Variants in ARL1 observed in about 807,000 individuals in gnomAD.
ARL1 encodes ARF like GTPase 1.
Under a neutral mutation model 30.1 loss-of-function variants are expected in ARL1, and 17 were observed. The observed-to-expected ratio is 0.56, with a 90% CI of 0.39 to 0.85. The LOEUF (loss-of-function observed/expected upper bound fraction) is 0.85, where lower values mean the gene tolerates loss of function less well. Ranked by LOEUF, ARL1 falls within the 40% of genes least tolerant of loss-of-function variation. ARL1 has a pLI of 0.00. For synonymous variants in ARL1, 58 were observed against 71.7 expected (o/e 0.81, Z 0.97); for missense variants, 102 against 212.6 (o/e 0.48, Z 3.24).
At position 101,403,064 on chromosome 12, in the gene ARL1, T is replaced by G. The variant is rs3765074; in HGVS notation, c.143-118A>C. 4 of 511,508 alleles carry G rather than the reference T, an allele frequency of 7.8e-6. No homozygotes were observed. The African/African-American group carries it at 7.9e-5, about 10-fold the overall frequency. The allele number at this position is 511,508 out of a possible 1,614,324, so 31.7% of individuals were successfully genotyped here. ...CTGTTATTAGAGTTTAAAATATATA[T>G]ATATATAATTTGTCTTAGGATTCGA... On this transcript the variant is annotated intron_variant, in intron 2 of 5. Transcript: ENST00000261636.
chr12:101,396,714 A>G (rs1353739159), intron 4 of ARL1, 137 bp from the exon 5 acceptor site: 2 of 648,476 alleles, frequency 3.1e-6, no homozygotes, highest in African/African-American at 1.9e-5. Flanking sequence ...GAAATTATAT[A>G]GAGAAGTATA....
intron 3 of ARL1, 59 bp downstream of exon 3, chr12:101,402,806 C>T: frequency 8.1e-7 from 1 of 1,228,982 alleles, no homozygotes; most frequent in Non-Finnish European, 1.2e-6. Flanking sequence ...CTGATTTTAA[C>T]CCTTAAAAGA....
At chr12:101,396,689 T>G (rs1292314267) in intron 4 of ARL1, 112 bp from the exon 5 acceptor site, 1 of 747,188 alleles carries the variant, frequency 1.3e-6, no homozygotes, top group Non-Finnish European at 2.0e-6. Flanking sequence ...ATATTACACA[T>G]TATGAAATTA....
intron 2 of ARL1, chr12:101,403,680 C>G (rs549052090): frequency 6.5e-6 from 1 of 154,612 alleles, no homozygotes; most frequent in East Asian, 1.9e-4. Flanking sequence ...ACTTCCATGG[C>G]TGGGTGCGGT....
Position 101,400,915 on chromosome 12 carries a change from G to A in ARL1, c.336+147C>T, listed in dbSNP as rs562075117. 7 of 629,142 alleles carry A rather than the reference G, an allele frequency of 1.1e-5. No homozygotes were observed. The East Asian group carries it at 1.7e-4, about 15-fold the overall frequency. 39.0% of individuals were successfully genotyped at this position (629,142 alleles called of 1,614,324 possible). On this transcript the variant is annotated intron_variant, in intron 4 of 5. Coordinates refer to ENST00000261636, the MANE Select transcript of ARL1 (RefSeq NM_001177.6). ...GTTTTGTCTCCAACCCTCCTCAACT[G>A]TATTTTTGGAATAGAAAATCATTTC...
Position 101,395,275 on chromosome 12 carries a change from TA to T in ARL1, c.*364del, listed in dbSNP as rs1291544687. The T allele has an allele frequency of 4.5e-5, 8 of 176,464 alleles. No individual in the cohort carries two copies. Among genetic ancestry groups the T allele is most frequent in the African/African-American group, 7.0e-5 (3 of 42,628 alleles). The allele number at this position is 176,464 out of a possible 1,614,324, so 10.9% of individuals were successfully genotyped here. On this transcript the variant is annotated 3_prime_UTR_variant, in exon 6 of 6. Transcript: ENST00000261636. ...TTAAGGGGAAAAAAATCTGTTAAGA[TA>T]TTTTTTAGTATTTATACAAACAAGC...
At chr12:101,406,519 C>T (rs369889887) in intron 1 of ARL1, among the ~76,000 whole-genome samples, 107 of 152,310 alleles carry the variant, frequency 7.0e-4, no homozygotes, top group African/African-American at 2.4e-3. Flanking sequence ...AAAGCTCTAT[C>T]CAATGCATCA....
At chr12:101,407,796 C>T (rs980521086), upstream of ARL1, 10 of 1,118,702 alleles carry the variant, frequency 8.9e-6, no homozygotes, top group African/African-American at 1.5e-5. Context: ...TGCGACTGCG[C>T]GCCGGGAACG....
chr12:101,396,515 G>C lies in ARL1; in HGVS notation c.399C>G (p.Ala133=), dbSNP rs373870337. The change falls in exon 5 of 6, where the codon GCC becomes GCG. Residue 133 remains alanine, a synonymous_variant. Transcript: ENST00000261636. ...AATTTGCCATCTCTGAGGAAGTCAT[G>C]GCCTGTTCCATGTCCTGTTTATTTG... ...VFANKQDMEQ[A]MTSSEMANSL... The C allele has an allele frequency of 6.2e-7, 1 of 1,613,834 alleles. No individual in the cohort carries two copies.
chr12:101,400,328 C>T (rs1871269788), intron 4 of ARL1: 1 of 149,182 alleles, frequency 6.7e-6, no homozygotes, highest in Admixed American at 6.7e-5. Flanking sequence ...GCAGGAGGAT[C>T]ACTTGAGGAC....
intron 4 of ARL1, among the ~76,000 whole-genome samples, chr12:101,397,441 A>C (rs571360066): frequency 6.6e-6 from 1 of 152,176 alleles, no homozygotes; most frequent in Admixed American, 6.5e-5. Context: ...AGGTTATAAC[A>C]AGCTTTGGTT....
At chr12:101,402,175 T>C (rs976807281) in intron 3 of ARL1, among the ~76,000 whole-genome samples, 1 of 152,158 alleles carries the variant, frequency 6.6e-6, no homozygotes, top group African/African-American at 2.4e-5. Flanking sequence ...AGGCATTTAT[T>C]TTTTATTTAT....
Position 101,407,629 on chromosome 12 carries a change from T to G in ARL1, c.4+13A>C. On this transcript the variant is annotated intron_variant, in intron 1 of 5. Transcript: ENST00000261636. ...CCTCGAGCGCGCCCAGGTGCCCTTC[T>G]CGAACCCCTCACCCATGATGAACCC... The G allele has an allele frequency of 6.2e-7, 1 of 1,610,894 alleles. No homozygotes were observed. Among genetic ancestry groups the G allele is most frequent in the South Asian group, 1.1e-5 (1 of 91,052 alleles).
chr12:101,397,752 T>C (rs1238608245), intron 4 of ARL1, among the ~76,000 whole-genome samples: 1 of 152,098 alleles, frequency 6.6e-6, no homozygotes, highest in East Asian at 1.9e-4. Flanking sequence ...TCCACCCGCC[T>C]CGGCCTCCCA....
intron 2 of ARL1, among the ~76,000 whole-genome samples, chr12:101,404,556 G>A (rs1871387890): frequency 6.6e-6 from 1 of 152,152 alleles, no homozygotes; most frequent in African/African-American, 2.4e-5. Context: ...AGACATTACA[G>A]GGTTCAAAAC....
chr12:101,395,514 T>C lies in ARL1; in HGVS notation c.*126A>G. On this transcript the variant is annotated 3_prime_UTR_variant, in exon 6 of 6. Coordinates refer to ENST00000261636, the MANE Select transcript of ARL1 (RefSeq NM_001177.6). ...TATTTTCCCTATTTACTACAAATATTGCAGTCAGTCAGTATATGCCAATAA... is the reference window on the plus strand; with the variant it reads ...TATTTTCCCTATTTACTACAAATATCGCAGTCAGTCAGTATATGCCAATAA... 1 of 675,968 alleles carries C rather than the reference T, an allele frequency of 1.5e-6. No homozygotes were observed. Among genetic ancestry groups the C allele is most frequent in the Non-Finnish European group, 2.5e-6 (1 of 404,924 alleles). 41.9% of individuals were successfully genotyped at this position (675,968 alleles called of 1,614,324 possible).
At chr12:101,407,272 G>T in intron 1 of ARL1, 1 of 283,734 alleles carries the variant, frequency 3.5e-6, no homozygotes, top group Non-Finnish European at 6.5e-6. Flanking sequence ...AGAAACCTCG[G>T]CGAACCTGCG....
intron 1 of ARL1, chr12:101,407,021 T>C (rs1455242921): frequency 6.6e-6 from 1 of 152,164 alleles, no homozygotes; most frequent in Non-Finnish European, 1.5e-5. Flanking sequence ...CTGATGCTTG[T>C]GAGAATGCAG....
At chr12:101,406,883 A>C (rs1458184448) in intron 1 of ARL1, 1 of 152,182 alleles carries the variant, frequency 6.6e-6, no homozygotes, top group Non-Finnish European at 1.5e-5. Context: ...GGGAGCAAGA[A>C]GTATGCTCCC....
Sources: allele counts gnomAD v4.1 joint callset (sites outside exome capture counted in the v4.1 genomes callset), GRCh38; gene constraint gnomAD v4.1.1; transcripts MANE v1.5; gene names NCBI Gene and HGNC (gene_info 2026-07-23, HGNC 2026-07-21).